The following KLF7 variants were observed in gnomAD, a reference collection of about 807,000 sequenced individuals.
KLF7 encodes the protein KLF transcription factor 7.
Under a neutral mutation model 27.3 loss-of-function variants are expected in KLF7, and 2 were observed. That is an observed-to-expected ratio of 0.07 (90% CI 0.03 to 0.23). The LOEUF is 0.23. KLF7 is among the 10% of genes least tolerant of loss of function. The pLI, the probability that KLF7 is intolerant of heterozygous loss-of-function variation, is 1.00. For synonymous variants in KLF7, 165 were observed against 162.4 expected, an observed-to-expected ratio of 1.02 and a Z score of -0.12; for missense variants, 221 against 394.1, an observed-to-expected ratio of 0.56 and a Z score of 3.72.
At chr2:207,140,100 G>C (rs564660680) in intron 1 of KLF7, among the ~76,000 whole-genome samples, 2 of 152,136 alleles carry the variant, frequency 1.3e-5, no homozygotes, top group Non-Finnish European at 2.9e-5. Context: ...TGTTGGCCAA[G>C]ATGGTCTCAA....
intron 1 of KLF7, among the ~76,000 whole-genome samples, chr2:207,138,738 T>C (rs1325692590): frequency 6.6e-6 from 1 of 152,204 alleles, no homozygotes. Flanking sequence ...ACTACATCAT[T>C]AATTAACCTG....
intron 2 of KLF7, among the ~76,000 whole-genome samples, chr2:207,103,599 T>C (rs774334950): frequency 4.1e-4 from 62 of 152,234 alleles, no homozygotes; most frequent in Non-Finnish European, 7.2e-4. Context: ...TCTGGAGATG[T>C]TGCCCCATGT....
chr2:207,164,390 C>T (rs2078637330), intron 1 of KLF7, among the ~76,000 whole-genome samples: 1 of 152,144 alleles, frequency 6.6e-6, no homozygotes, highest in Non-Finnish European at 1.5e-5. Flanking sequence ...TGTGCAAATC[C>T]GGACTGTCTT....
At chr2:207,085,753 C>T (rs2076373920) in intron 3 of KLF7, among the ~76,000 whole-genome samples, 1 of 152,104 alleles carries the variant, frequency 6.6e-6, no homozygotes, top group Admixed American at 6.5e-5. Context: ...GAAAGCGGGA[C>T]AATACTTGGC....
intron 1 of KLF7, among the ~76,000 whole-genome samples, chr2:207,148,744 T>A (rs956252769): frequency 5.3e-5 from 8 of 152,330 alleles, no homozygotes; most frequent in Admixed American, 4.6e-4. Flanking sequence ...ATAGGGTCTA[T>A]ACTTTCTATG....
At chr2:207,095,659 TA>T (rs1378971846) in intron 2 of KLF7, among the ~76,000 whole-genome samples, 1 of 152,212 alleles carries the variant, frequency 6.6e-6, no homozygotes, top group Non-Finnish European at 1.5e-5. Context: ...AAATTCAGAT[TA>T]AAAAATTGAA....
intron 1 of KLF7, among the ~76,000 whole-genome samples, chr2:207,128,447 A>G (rs1046856109): frequency 6.6e-6 from 1 of 152,252 alleles, no homozygotes; most frequent in Non-Finnish European, 1.5e-5. Flanking sequence ...AATGATTACA[A>G]GTTAAGAATT....
At chr2:207,099,401 C>T (rs548449922) in intron 2 of KLF7, among the ~76,000 whole-genome samples, 16 of 151,804 alleles carry the variant, frequency 1.1e-4, no homozygotes, top group Non-Finnish European at 2.2e-4. Flanking sequence ...CCATGGTGGT[C>T]ACCCATTGGT....
intron 1 of KLF7, among the ~76,000 whole-genome samples, chr2:207,155,080 C>T (rs776856710): frequency 2.0e-5 from 3 of 152,160 alleles, no homozygotes; most frequent in Non-Finnish European, 4.4e-5. Flanking sequence ...AGGCTTGGAT[C>T]CCAGCTCAAA....
At position 207,124,070 on chromosome 2, in the gene KLF7, C is replaced by A. The variant is rs747043061; in HGVS notation, c.437G>T (p.Arg146Leu). 1 of 1,614,134 alleles carries A rather than the reference C, an allele frequency of 6.2e-7. No homozygotes were observed. Among genetic ancestry groups the A allele is most frequent in the Non-Finnish European group, 8.5e-7 (1 of 1,180,030 alleles). The change falls in exon 2 of 4, where the codon CGC becomes CTC. Residue 146 changes from arginine to leucine, a missense_variant. Around this residue, in one of 3 missense-constraint regions of KLF7, gnomAD observed 180 missense variants for 227.9 expected, o/e 0.79. Coordinates refer to ENST00000309446, the MANE Select transcript of KLF7 (RefSeq NM_003709.4). The part of the protein sequence containing the change: ...LTPPSSPELS[R>L]HLVKTSQTLS... ...AGTTTGTGAGGTTTTGACCAGATGGCGGCTGAGCTCAGGGGACGATGGGGG... is the reference window on the plus strand; with the variant it reads ...AGTTTGTGAGGTTTTGACCAGATGGAGGCTGAGCTCAGGGGACGATGGGGG...
chr2:207,082,635 C>T (rs778155583), intron 3 of KLF7, among the ~76,000 whole-genome samples: 1 of 152,168 alleles, frequency 6.6e-6, no homozygotes, highest in Non-Finnish European at 1.5e-5. Context: ...TCATTCTGAG[C>T]TCTGAGTGTA....
At chr2:207,137,530 C>G (rs1212026929) in intron 1 of KLF7, among the ~76,000 whole-genome samples, 1 of 152,170 alleles carries the variant, frequency 6.6e-6, no homozygotes, top group Non-Finnish European at 1.5e-5. Flanking sequence ...ATTTCAGGAT[C>G]ATTATTTCAC....
intron 1 of KLF7, chr2:207,134,037 C>T: frequency 6.6e-7 from 1 of 1,525,740 alleles, no homozygotes; most frequent in Non-Finnish European, 8.8e-7. Flanking sequence ...ACACACCCTC[C>T]TCAAACTCCC....
At chr2:207,147,491 C>A (rs1441073110) in intron 1 of KLF7, among the ~76,000 whole-genome samples, 1 of 152,142 alleles carries the variant, frequency 6.6e-6, no homozygotes, top group Non-Finnish European at 1.5e-5. Flanking sequence ...ACATAATAGA[C>A]ACTTTTATTC....
At chr2:207,133,345 C>G (rs959296278) in intron 1 of KLF7, among the ~76,000 whole-genome samples, 1 of 152,126 alleles carries the variant, frequency 6.6e-6, no homozygotes, top group African/African-American at 2.4e-5. Context: ...GTGCAAAGGG[C>G]TGGATCTGCA....
intron 1 of KLF7, among the ~76,000 whole-genome samples, chr2:207,135,596 T>C (rs1224960106): frequency 6.6e-6 from 1 of 152,188 alleles, no homozygotes; most frequent in Non-Finnish European, 1.5e-5. Flanking sequence ...AATGAGTAAT[T>C]GAATCAACTC....
rs1304104963 is a variant in KLF7, at chr2:207,079,528, C to T, written c.*1685G>A. 1.3e-5 allele frequency: 2 copies of T among 152,190 alleles called. No individual in the cohort carries two copies. The highest frequency in any genetic ancestry group is 2.4e-5 in the African/African-American group (1 of 41,446). 9.4% of individuals were successfully genotyped at this position (152,190 alleles called of 1,614,324 possible). Reference sequence around the variant, plus strand: ...TATACAATCTGTCCTAATAACCACCCCGCTTGCTTGCATAGGCCATTTGAT... The same window carrying T: ...TATACAATCTGTCCTAATAACCACCTCGCTTGCTTGCATAGGCCATTTGAT... On this transcript the variant is annotated 3_prime_UTR_variant, in exon 4 of 4. Transcript: ENST00000309446.
rs1319970528 is a variant in KLF7, at chr2:207,079,027, C to T, written c.*2186G>A. ...GTGTGTGTGTGCGCGTGTGTGTTAACGGGTGTTCTTTCTTTTTTTTTCGTT... is the reference window on the plus strand; with the variant it reads ...GTGTGTGTGTGCGCGTGTGTGTTAATGGGTGTTCTTTCTTTTTTTTTCGTT... On this transcript the variant is annotated 3_prime_UTR_variant, in exon 4 of 4. Coordinates refer to ENST00000309446, the MANE Select transcript of KLF7 (RefSeq NM_003709.4). 3.3e-5 allele frequency: 5 copies of T among 151,250 alleles called. No individual in the cohort carries two copies. The East Asian group carries it at 5.8e-4, about 18-fold the overall frequency. 9.4% of individuals were successfully genotyped at this position (151,250 alleles called of 1,614,324 possible).
chr2:207,078,696 TA>T lies in KLF7; in HGVS notation c.*2516del, dbSNP rs1193237861. 2.0e-5 allele frequency: 3 copies of T among 152,174 alleles called. No individual in the cohort carries two copies. Among genetic ancestry groups the T allele is most frequent in the Non-Finnish European group, 4.4e-5 (3 of 68,054 alleles). 9.4% of individuals were successfully genotyped at this position (152,174 alleles called of 1,614,324 possible). On this transcript the variant is annotated 3_prime_UTR_variant, in exon 4 of 4. Transcript: ENST00000309446. The stretch of plus-strand genomic sequence containing the variant: ...AGGAACCAACAGAATTCAGGGTGTC[TA>T]AAAGTTTCATCTAGTGCACTGACTG...
Sources: allele counts gnomAD v4.1 joint callset (sites outside exome capture counted in the v4.1 genomes callset), GRCh38; gene constraint gnomAD v4.1.1; regional missense constraint gnomAD v4.1.1; transcripts MANE v1.5; gene names NCBI Gene and HGNC (gene_info 2026-07-23, HGNC 2026-07-21).